Variants in ASB7 observed in about 807,000 individuals in gnomAD.
The protein encoded by ASB7 is ankyrin repeat and SOCS box containing 7.
In ASB7, 4 loss-of-function variants were observed where a neutral mutation model predicts 32.5. The observed-to-expected ratio is 0.12, with a 90% CI of 0.06 to 0.28. The LOEUF (loss-of-function observed/expected upper bound fraction) is 0.28, where lower values mean the gene tolerates loss of function less well. ASB7 is among the 10% of genes least tolerant of loss of function. The pLI is 1.00. For missense variants in ASB7, 181 were observed against 407.1 expected, an observed-to-expected ratio of 0.44 and a Z score of 4.78; for synonymous variants, 172 against 155.6, an observed-to-expected ratio of 1.11 and a Z score of -0.78.
rs1212558756 is a variant in ASB7 at position 100,629,351 on chromosome 15, A to C, written c.212-86A>C. ...TTGGTTGCTTCACATTTTATATGAG[A>C]ATTGGCCACAGTTTGCTGTGCCATG... On this transcript the variant is annotated intron_variant, in intron 4 of 5. Transcript: ENST00000332783. The surrounding 1 kb of genome is among the most constrained non-coding windows in gnomAD (Gnocchi z 6.8). 15 of 1,224,306 alleles carry C rather than the reference A, an allele frequency of 1.2e-5. No homozygotes were observed. The highest frequency in any genetic ancestry group is 1.7e-5 in the Non-Finnish European group (15 of 864,560). 75.8% of individuals were successfully genotyped at this position (1,224,306 alleles called of 1,614,324 possible).
chr15:100,632,368 T>G (rs545733355), intron 5 of ASB7, among the ~76,000 whole-genome samples: 5 of 152,292 alleles, frequency 3.3e-5, no homozygotes, highest in Non-Finnish European at 5.9e-5. Context: ...CAACATAATT[T>G]AGTATTTCTT....
At chr15:100,610,048 T>C (rs908844772) in intron 3 of ASB7, among the ~76,000 whole-genome samples, 11 of 152,224 alleles carry the variant, frequency 7.2e-5, no homozygotes, top group African/African-American at 2.7e-4. Flanking sequence ...TTAAGGATGA[T>C]TGTGAGCATA....
At chr15:100,638,659 G>A (rs907331618) in intron 5 of ASB7, among the ~76,000 whole-genome samples, 7 of 152,092 alleles carry the variant, frequency 4.6e-5, no homozygotes, top group South Asian at 2.1e-4. Context: ...TTACTTTCAC[G>A]GCTTACTTTG....
In ASB7 at chr15:100,629,943, A is replaced by G. The variant is rs1297882008; in HGVS notation, c.718A>G (p.Thr240Ala). The G allele has an allele frequency of 6.2e-7, 1 of 1,614,124 alleles. No homozygotes were observed. Among genetic ancestry groups the G allele is most frequent in the East Asian group, 2.2e-5 (1 of 44,900 alleles). ...ARMLYNYGAD[T>A]NTRNYEGQTP... Reference sequence around the variant, plus strand: ...GATGTTATATAATTACGGAGCAGACACGAACACACGGAACTATGAAGGACA... The same window carrying G: ...GATGTTATATAATTACGGAGCAGACGCGAACACACGGAACTATGAAGGACA... Residue 240 changes from threonine (T) to alanine (A), a missense_variant, in exon 5 of 6, where the codon ACG becomes GCG. Coordinates refer to ENST00000332783, the MANE Select transcript of ASB7 (RefSeq NM_198243.3). The surrounding 1 kb of genome is among the most constrained non-coding windows in gnomAD (Gnocchi z 6.8).
chr15:100,618,147 T>C (rs147596963), intron 4 of ASB7, among the ~76,000 whole-genome samples: 193 of 152,234 alleles, frequency 1.3e-3, no homozygotes, highest in African/African-American at 4.4e-3. Flanking sequence ...GATGGAGTCT[T>C]GCTCTGTCAC....
rs892282602 is a variant in ASB7, at chr15:100,650,987, C to T, written c.*2525C>T. 1 of 152,058 alleles carries T rather than the reference C, an allele frequency of 6.6e-6. No individual in the cohort carries two copies. The highest frequency in any genetic ancestry group is 6.6e-5 in the Admixed American group (1 of 15,266). The allele number at this position is 152,058 out of a possible 1,614,324, so 9.4% of individuals were successfully genotyped here. On this transcript the variant is annotated 3_prime_UTR_variant, in exon 6 of 6. Transcript: ENST00000332783. ...AACAGATATTTTCAGAAAAATCAAC[C>T]GATTGTTTTTTCCAGAAACAGAACA...
At chr15:100,631,107 G>A (rs991938219) in intron 5 of ASB7, among the ~76,000 whole-genome samples, 7 of 152,168 alleles carry the variant, frequency 4.6e-5, no homozygotes, top group African/African-American at 1.4e-4. Flanking sequence ...TGGAAGAAAA[G>A]ATGCAATTAT....
Position 100,648,420 on chromosome 15 carries a change from G to A in ASB7, c.915G>A (p.Lys305=), listed in dbSNP as rs766387162. ...LKLLDELPIA[K]VMKDYLKHKF... ...TACTTGATGAACTACCAATTGCCAA[G>A]GTCATGAAAGACTACTTAAAACACA... The change falls in exon 6 of 6, where the codon AAG becomes AAA. Residue 305 remains lysine (K), a synonymous_variant. Coordinates refer to ENST00000332783, the MANE Select transcript of ASB7 (RefSeq NM_198243.3). 7 of 1,609,620 alleles carry A rather than the reference G, an allele frequency of 4.3e-6. No homozygotes were observed. The highest frequency in any genetic ancestry group is 6.0e-6 in the Non-Finnish European group (7 of 1,176,386).
At chr15:100,613,663 A>C (rs576441435) in intron 4 of ASB7, among the ~76,000 whole-genome samples, 1 of 152,238 alleles carries the variant, frequency 6.6e-6, no homozygotes, top group African/African-American at 2.4e-5. Context: ...TTAAAATTCT[A>C]TGCAGGGCTT....
chr15:100,641,823 G>A (rs184553283), intron 5 of ASB7, among the ~76,000 whole-genome samples: 1 of 152,278 alleles, frequency 6.6e-6, no homozygotes, highest in Non-Finnish European at 1.5e-5. Context: ...TATGTGCTTG[G>A]CACTATTGTA....
chr15:100,643,567 G>A (rs1458172905), intron 5 of ASB7, among the ~76,000 whole-genome samples: 5 of 137,494 alleles, frequency 3.6e-5, no homozygotes, highest in African/African-American at 1.4e-4. Flanking sequence ...TTGGCTCACT[G>A]CAACCTCTGC....
chr15:100,637,204 C>CTCAG (rs2039930066), intron 5 of ASB7, among the ~76,000 whole-genome samples: 1 of 152,196 alleles, frequency 6.6e-6, no homozygotes, highest in South Asian at 2.1e-4. Context: ...GAGCCGGCAG[C>CTCAG]TTTTTCATGG....
rs533445179 is a variant in ASB7, at chr15:100,623,110, G to A, written c.212-6327G>A. Among the ~76,000 whole-genome samples, 23 of 152,262 alleles carry A rather than the reference G, an allele frequency of 1.5e-4. No individual in the cohort carries two copies. The East Asian group carries it at 4.4e-3, about 29-fold the overall frequency. On this transcript the variant is annotated intron_variant, in intron 4 of 5. Coordinates refer to ENST00000332783, the MANE Select transcript of ASB7 (RefSeq NM_198243.3). The stretch of plus-strand genomic sequence containing the variant: ...AAACAACAAATAATCCCATTAAAAA[G>A]TGGGCAGGTCAGGCGTGGTGGCTCA...
chr15:100,643,262 C>T (rs2039973493), intron 5 of ASB7, among the ~76,000 whole-genome samples: 1 of 152,064 alleles, frequency 6.6e-6, no homozygotes, highest in African/African-American at 2.4e-5. Flanking sequence ...TTGGAAGTTA[C>T]TTAACAACAT....
At position 100,630,559 on chromosome 15, in the gene ASB7, C is replaced by T. The variant is rs187385080; in HGVS notation, c.817+517C>T. Among the ~76,000 whole-genome samples the T allele has an allele frequency of 5.3e-4, 80 of 152,238 alleles. No individual in the cohort carries two copies. In the Middle Eastern group the frequency reaches 0.014, roughly 26 times the overall value. On this transcript the variant is annotated intron_variant, in intron 5 of 5. Coordinates refer to ENST00000332783, the MANE Select transcript of ASB7 (RefSeq NM_198243.3). ...AGTGGTGCTGTGTATTTAGGGATAC[C>T]ACTCGTGGAAGTTAAGGATGCTAGA...
rs2040019921 is a variant in ASB7, at chr15:100,649,879, T to A, written c.*1417T>A. ...TAACACACTGTTAATAAATTTGTTA[T>A]CAGAAGTTTACAAGACGAAGGGCTT... On this transcript the variant is annotated 3_prime_UTR_variant, in exon 6 of 6. Transcript: ENST00000332783. The A allele has an allele frequency of 6.6e-6, 1 of 152,240 alleles. No homozygotes were observed. Among genetic ancestry groups the A allele is most frequent in the South Asian group, 2.1e-4 (1 of 4,836 alleles). The allele number at this position is 152,240 out of a possible 1,614,324, so 9.4% of individuals were successfully genotyped here.
At position 100,629,089 on chromosome 15, in the gene ASB7, G is replaced by A. The variant is rs1246812585; in HGVS notation, c.212-348G>A. On this transcript the variant is annotated intron_variant, in intron 4 of 5. Transcript: ENST00000332783. The surrounding 1 kb of genome is among the most constrained non-coding windows in gnomAD (Gnocchi z 6.8). ...AAAACAAAAAGTTCAAAACAGAAGA[G>A]AAACATGAAACAGTGCAGAGATGAA... Among the ~76,000 whole-genome samples, 2 of 152,190 alleles carry A rather than the reference G, an allele frequency of 1.3e-5. No individual in the cohort carries two copies. Among genetic ancestry groups the A allele is most frequent in the African/African-American group, 4.8e-5 (2 of 41,446 alleles).
In ASB7 at chr15:100,609,098, G is replaced by C. The variant is rs569258907; in HGVS notation, c.-173-609G>C. Among the ~76,000 whole-genome samples, 6 of 152,284 alleles carry C rather than the reference G, an allele frequency of 3.9e-5. No individual in the cohort carries two copies. The South Asian group carries it at 1.2e-3, about 32-fold the overall frequency. On this transcript the variant is annotated intron_variant, in intron 2 of 5. Coordinates refer to ENST00000332783, the MANE Select transcript of ASB7 (RefSeq NM_198243.3). ...CCCTTTTCTTTTAGTTGTGGAGAGAGTTTATTCAGAATTCACATGGGGAAC... is the reference window on the plus strand; with the variant it reads ...CCCTTTTCTTTTAGTTGTGGAGAGACTTTATTCAGAATTCACATGGGGAAC...
At chr15:100,633,145 A>T (rs2039896189) in intron 5 of ASB7, among the ~76,000 whole-genome samples, 1 of 151,936 alleles carries the variant, frequency 6.6e-6, no homozygotes. Context: ...TGTGGGAGGA[A>T]AGCTGCGTCC....
Sources: allele counts gnomAD v4.1 joint callset (sites outside exome capture counted in the v4.1 genomes callset), GRCh38; gene constraint gnomAD v4.1.1; non-coding constraint Gnocchi (gnomAD v3.1); transcripts MANE v1.5; gene names NCBI Gene and HGNC (gene_info 2026-07-23, HGNC 2026-07-21).